The following LLGL2 variants were observed in gnomAD, a reference collection of about 807,000 sequenced individuals.
LLGL2 encodes the protein LLGL2, scribble cell polarity complex component.
A neutral mutation model predicts 123.2 loss-of-function variants in LLGL2; 81 were observed. The ratio of observed to expected loss-of-function variants is 0.66; its 90% CI spans 0.55 to 0.79. LLGL2 has a LOEUF of 0.79. Among genes scored for constraint, LLGL2 ranks in the 30% least tolerant of loss-of-function variants. The pLI is 0.00. For synonymous variants in LLGL2, 577 were observed against 594.1 expected (o/e 0.97, Z 0.42); for missense variants, 1,273 against 1,414.6 (o/e 0.90, Z 1.61).
intron 1 of LLGL2, among the ~76,000 whole-genome samples, chr17:75,533,376 C>G (rs2053883276): frequency 7.1e-6 from 1 of 141,484 alleles, no homozygotes; most frequent in African/African-American, 2.7e-5. Context: ...ACGATCTCGG[C>G]TCACTGCAAG....
At chr17:75,528,239 C>G (rs1161415848) in intron 1 of LLGL2, among the ~76,000 whole-genome samples, 1 of 152,028 alleles carries the variant, frequency 6.6e-6, no homozygotes, top group African/African-American at 2.4e-5. Flanking sequence ...CCTCGGCCTC[C>G]CGAGTAGCTG....
At chr17:75,539,787 T>C (rs1212683213) in intron 1 of LLGL2, among the ~76,000 whole-genome samples, 1 of 151,972 alleles carries the variant, frequency 6.6e-6, no homozygotes, top group Non-Finnish European at 1.5e-5. Flanking sequence ...TTTGTATTTT[T>C]AGTAGAGACG....
At chr17:75,536,404 A>G (rs558482455) in intron 1 of LLGL2, among the ~76,000 whole-genome samples, 1 of 152,174 alleles carries the variant, frequency 6.6e-6, no homozygotes, top group Non-Finnish European at 1.5e-5. Context: ...ATGGAATAGA[A>G]AAGTCCTTTC....
intron 1 of LLGL2, among the ~76,000 whole-genome samples, chr17:75,541,772 C>A (rs1307148672): frequency 8.1e-6 from 1 of 124,130 alleles, no homozygotes; most frequent in Non-Finnish European, 1.6e-5. Context: ...CTCTGTTGCC[C>A]AGGCCGGAGT....
chr17:75,557,997 C>T (rs759590368), intron 3 of LLGL2, 158 bp from the exon 4 acceptor site: 1 of 773,976 alleles, frequency 1.3e-6, no homozygotes, highest in Non-Finnish European at 2.3e-6. Context: ...GCTGTGTCTC[C>T]TCCCCACCCT....
In LLGL2 at chr17:75,574,496, G is replaced by A; in HGVS notation, c.2996+1G>A. 3.2e-6 allele frequency: 5 copies of A among 1,560,464 alleles called. No homozygotes were observed. In the Admixed American group the frequency reaches 5.8e-5, roughly 18 times the overall value. ...AGAGCACACTGGAGGGAGACCGCGG[G>A]TGAGGCACCGCCCAGGCCAGCTGGG... On this transcript the variant is annotated splice_donor_variant, in intron 24 of 25. Transcript: ENST00000392550. LOFTEE classifies it high-confidence loss of function.
chr17:75,527,961 A>G (rs1182120097), intron 1 of LLGL2, among the ~76,000 whole-genome samples: 2 of 136,228 alleles, frequency 1.5e-5, no homozygotes, highest in African/African-American at 2.7e-5. Flanking sequence ...CTAATTTTCT[A>G]TTTTTTTTTT....
chr17:75,538,329 C>A (rs2054083063), intron 1 of LLGL2, among the ~76,000 whole-genome samples: 1 of 152,190 alleles, frequency 6.6e-6, no homozygotes, highest in Admixed American at 6.5e-5. Flanking sequence ...TCATCTCTCT[C>A]ATGTCATCTG....
intron 1 of LLGL2, among the ~76,000 whole-genome samples, chr17:75,539,639 A>C (rs1598525252): frequency 4.4e-5 from 6 of 136,974 alleles, no homozygotes; most frequent in Admixed American, 7.7e-5. Context: ...ACAGAATTTC[A>C]CTCCGTCACC....
rs2147615185 is a variant in LLGL2, at chr17:75,574,860, G to C, written c.3056-11G>C. The C allele has an allele frequency of 1.2e-6, 2 of 1,613,944 alleles. No homozygotes were observed. The highest frequency in any genetic ancestry group is 2.2e-5 in the East Asian group (1 of 44,868). On this transcript the variant is annotated splice_polypyrimidine_tract_variant and intron_variant, in intron 25 of 25. Coordinates refer to ENST00000392550, the MANE Select transcript of LLGL2 (RefSeq NM_001031803.2). Reference sequence around the variant, plus strand: ...CAGGGTGATCTTGAGCTGTCCCTCTGTGTCCTTCAGCAGAGTGAGTGGCTG... The same window carrying C: ...CAGGGTGATCTTGAGCTGTCCCTCTCTGTCCTTCAGCAGAGTGAGTGGCTG...
In LLGL2 at chr17:75,559,354, G is replaced by A. The variant is rs776880112; in HGVS notation, c.474G>A (p.Leu158=). The change falls in exon 6 of 26, where the codon CTG becomes CTA. Residue 158 remains leucine, a synonymous_variant. Coordinates refer to ENST00000392550, the MANE Select transcript of LLGL2 (RefSeq NM_001031803.2). This position sits in a 1 kb window ranked among gnomAD's most constrained non-coding sequence, Gnocchi z 4.6. ...TESGNVFVVQ[L]PAFRALEDRT... is the part of the protein sequence containing the mutation. The stretch of plus-strand genomic sequence containing the variant: ...GTGGCAACGTGTTTGTGGTGCAGCT[G>A]CCAGCTTTTCGTGCGCTGGAGGACC... 97 of 1,613,454 alleles carry A rather than the reference G, an allele frequency of 6.0e-5. No individual in the cohort carries two copies. The highest frequency in any genetic ancestry group is 5.0e-4 in the Middle Eastern group (3 of 6,060).
chr17:75,534,393 G>A (rs1333642674), intron 1 of LLGL2, among the ~76,000 whole-genome samples: 1 of 152,262 alleles, frequency 6.6e-6, no homozygotes, highest in Non-Finnish European at 1.5e-5. Context: ...TCCAGCCTGC[G>A]AGCAGGCAGC....
chr17:75,537,800 G>A (rs1026254337), intron 1 of LLGL2, among the ~76,000 whole-genome samples: 3 of 150,392 alleles, frequency 2.0e-5, no homozygotes, highest in Non-Finnish European at 4.4e-5. Flanking sequence ...AGGCTTTTTG[G>A]AAGGTGACCT....
intron 6 of LLGL2, among the ~76,000 whole-genome samples, chr17:75,561,567 G>A (rs188934466): frequency 1.9e-4 from 29 of 152,276 alleles, no homozygotes; most frequent in African/African-American, 6.7e-4. Context: ...GCTGCAGTGA[G>A]CCATGATCAG....
chr17:75,525,196 C>G (rs951999993), upstream of LLGL2: 4 of 152,268 alleles, frequency 2.6e-5, no homozygotes, highest in African/African-American at 9.7e-5. The surrounding 1 kb of genome is among the most constrained non-coding windows in gnomAD (Gnocchi z 4.8). Flanking sequence ...CCCGCACCCC[C>G]CCCCGAGGAA....
chr17:75,572,061 C>T lies in LLGL2; in HGVS notation c.2457C>T (p.Phe819=). Residue 819 remains phenylalanine (F), a synonymous_variant, in exon 19 of 26, where the codon TTC becomes TTT. Transcript: ENST00000392550. Reference sequence around the variant, plus strand: ...TGCTCGTCGTATCAGAGGAGCAGTTCAAGGTGCCACACGGGCAGCGGCGGG... The same window carrying T: ...TGCTCGTCGTATCAGAGGAGCAGTTTAAGGTGCCACACGGGCAGCGGCGGG... ...HQLLVVSEEQ[F]KVFTLPKVSA... 6.2e-7 allele frequency: 1 copy of T among 1,610,240 alleles called. No individual in the cohort carries two copies. Among genetic ancestry groups the T allele is most frequent in the Non-Finnish European group, 8.5e-7 (1 of 1,179,602 alleles).
At chr17:75,543,112 C>T (rs1598537650) in intron 1 of LLGL2, 1 of 238,858 alleles carries the variant, frequency 4.2e-6, no homozygotes, top group Admixed American at 5.6e-5. Flanking sequence ...CCCGCCGGCC[C>T]TCCTTGTGCT....
chr17:75,535,568 C>T (rs895842848), intron 1 of LLGL2, among the ~76,000 whole-genome samples: 2 of 152,248 alleles, frequency 1.3e-5, no homozygotes, highest in Non-Finnish European at 2.9e-5. Flanking sequence ...AAGCCTTGGT[C>T]TCACAGGGAC....
chr17:75,565,554 G>T (rs900290933), intron 10 of LLGL2, among the ~76,000 whole-genome samples: 2 of 152,178 alleles, frequency 1.3e-5, no homozygotes, highest in South Asian at 4.1e-4. Context: ...GGCACAGAGC[G>T]GGGGCCTCTT....
Sources: gnomAD v4.1 joint callset for allele counts (sites outside exome capture counted in the v4.1 genomes callset) on GRCh38, gnomAD v4.1.1 for gene constraint, Gnocchi (gnomAD v3.1) non-coding constraint, MANE v1.5 for transcripts, NCBI Gene and HGNC (gene_info 2026-07-23, HGNC 2026-07-21) for gene names.